Variants in KIAA2012 observed in about 807,000 individuals in gnomAD.
The protein encoded by KIAA2012 is uncharacterized protein KIAA2012.
In KIAA2012, 125 loss-of-function variants were observed where a neutral mutation model predicts 150.6. The observed-to-expected ratio is 0.83, with a 90% CI of 0.72 to 0.96. The LOEUF (loss-of-function observed/expected upper bound fraction) is 0.96. Ranked by LOEUF, KIAA2012 falls within the 40% of genes least tolerant of loss-of-function variation. The pLI is 0.00. For synonymous variants in KIAA2012, 462 were observed against 504.7 expected, an observed-to-expected ratio of 0.92 and a Z score of 1.13; for missense variants, 1,219 against 1,354.9, an observed-to-expected ratio of 0.90 and a Z score of 1.57.
intron 16 of KIAA2012, 66 bp from the exon 17 acceptor site, chr2:202,186,867 C>T (rs940228029): frequency 2.0e-6 from 3 of 1,504,112 alleles, no homozygotes; most frequent in East Asian, 2.5e-5. Flanking sequence ...TGTTGGCTCA[C>T]TTGCCCTCTT....
intron 12 of KIAA2012, among the ~76,000 whole-genome samples, chr2:202,135,462 A>G (rs891573489): frequency 4.6e-5 from 7 of 152,330 alleles, no homozygotes; most frequent in Admixed American, 1.3e-4. Flanking sequence ...TCGTTCTGAA[A>G]GGAGGTTTTA....
intron 15 of KIAA2012, among the ~76,000 whole-genome samples, chr2:202,181,147 T>C (rs1692110619): frequency 6.6e-6 from 1 of 152,100 alleles, no homozygotes; most frequent in African/African-American, 2.4e-5. Context: ...TTTTTCTATT[T>C]TTTGTAGAGA....
In KIAA2012 at chr2:202,196,818, A is replaced by G. The variant is rs1210927950; in HGVS notation, c.3206A>G (p.Gln1069Arg). 6.4e-7 allele frequency: 1 copy of G among 1,550,560 alleles called. No individual in the cohort carries two copies. The highest frequency in any genetic ancestry group is 2.4e-5 in the East Asian group (1 of 40,924). The change falls in exon 22 of 24, where the codon CAA (glutamine) becomes CGA (arginine). Residue 1069 changes from glutamine to arginine, a missense_variant. Physicochemically the swap from Gln to Arg is conservative, Grantham distance 43 (BLOSUM62 1). Coordinates refer to ENST00000498697, the MANE Select transcript of KIAA2012 (RefSeq NM_001277372.4). Reference sequence around the variant, plus strand: ...TCTGCAGAGGCAGAGAAGCAAAGGCAAGAGGAATTGGAAATGCAGTTAGAA... The same window carrying G: ...TCTGCAGAGGCAGAGAAGCAAAGGCGAGAGGAATTGGAAATGCAGTTAGAA... ...AERAEAEKQR[Q>R]EELEMQLEEE...
At chr2:202,105,987 C>A (rs1244071658) in intron 9 of KIAA2012, 77 bp downstream of exon 9, 9 of 1,549,612 alleles carry the variant, frequency 5.8e-6, no homozygotes, top group Non-Finnish European at 6.1e-6. Flanking sequence ...CAAGGGTCCA[C>A]AGCCAAGGAA....
At chr2:202,197,276 A>G (rs542704175) in intron 22 of KIAA2012, 1 of 545,990 alleles carries the variant, frequency 1.8e-6, no homozygotes, top group East Asian at 3.3e-5. Flanking sequence ...AGATGAAAAA[A>G]GCAAGTCCCA....
chr2:202,142,934 C>T (rs1691221305), intron 13 of KIAA2012, among the ~76,000 whole-genome samples: 1 of 150,874 alleles, frequency 6.6e-6, no homozygotes, highest in Non-Finnish European at 1.5e-5. Context: ...GGGAACTTTC[C>T]TGTTGATTGC....
At chr2:202,141,135 C>T (rs537048486) in intron 13 of KIAA2012, among the ~76,000 whole-genome samples, 2 of 152,238 alleles carry the variant, frequency 1.3e-5, no homozygotes, top group South Asian at 4.2e-4. Context: ...TCTGCAGAGG[C>T]CCTACCGCTG....
intron 13 of KIAA2012, among the ~76,000 whole-genome samples, chr2:202,150,509 C>T (rs1040405707): frequency 1.3e-5 from 2 of 151,552 alleles, no homozygotes; most frequent in Non-Finnish European, 2.9e-5. Flanking sequence ...AGTGCAGTGG[C>T]GCGATCTCCG....
intron 2 of KIAA2012, among the ~76,000 whole-genome samples, chr2:202,087,416 G>C (rs139963646): frequency 6.7e-6 from 1 of 150,108 alleles, no homozygotes; most frequent in African/African-American, 2.5e-5. Flanking sequence ...CGGAGGCTGA[G>C]GCAGGAGAAT....
chr2:202,162,822 T>C (rs1462587843), intron 14 of KIAA2012, among the ~76,000 whole-genome samples: 2 of 147,890 alleles, frequency 1.4e-5, no homozygotes, highest in South Asian at 2.1e-4. Flanking sequence ...CCCAGCTACT[T>C]GGGAGGCTGA....
At chr2:202,147,845 T>C (rs1691333094) in intron 13 of KIAA2012, among the ~76,000 whole-genome samples, 1 of 152,016 alleles carries the variant, frequency 6.6e-6, no homozygotes. Flanking sequence ...ATTTCCCACC[T>C]TTCACCCCTC....
rs575210496 is a variant in KIAA2012 at position 202,154,396 on chromosome 2, C to G, written c.1909-277C>G. Reference sequence around the variant, plus strand: ...GTCTGTATAATGGGAGTAACAGTACCTGCCTTACAGGGTTGTTGTGAGGGT... The same window carrying G: ...GTCTGTATAATGGGAGTAACAGTACGTGCCTTACAGGGTTGTTGTGAGGGT... On this transcript the variant is annotated intron_variant, in intron 13 of 23. Transcript: ENST00000498697. 2.6e-5 allele frequency among the ~76,000 whole-genome samples: 4 copies of G among 152,298 alleles called. No homozygotes were observed. In the East Asian group the frequency reaches 7.7e-4, roughly 29 times the overall value.
intron 10 of KIAA2012, among the ~76,000 whole-genome samples, chr2:202,111,885 G>A (rs66723039): frequency 0.32 from 49,212 of 151,976 alleles, 8,865 homozygotes; most frequent in African/African-American, 0.49. Flanking sequence ...GTGTGCATGT[G>A]TATGTGTGTA....
chr2:202,131,421 G>A (rs1184456422), intron 12 of KIAA2012, among the ~76,000 whole-genome samples: 1 of 152,198 alleles, frequency 6.6e-6, no homozygotes, highest in East Asian at 1.9e-4. Context: ...GATTACAGGC[G>A]TGAGCCACTG....
At position 202,184,765 on chromosome 2, in the gene KIAA2012, G is replaced by A. The variant is rs1692192299; in HGVS notation, c.2132G>A (p.Arg711Lys). 6.5e-7 allele frequency: 1 copy of A among 1,542,102 alleles called. No individual in the cohort carries two copies. Among genetic ancestry groups the A allele is most frequent in the Non-Finnish European group, 8.7e-7 (1 of 1,144,470 alleles). Residue 711 changes from arginine to lysine, a missense_variant, in exon 16 of 24, where the codon AGG becomes AAG. Physicochemically the swap from Arg to Lys is conservative, Grantham distance 26 (BLOSUM62 2). Transcript: ENST00000498697. ...THHNDQDPEP[R>K]SMTLDSPRAS... ...TCTGTTTTCACAGACCCAGAGCCAAGGAGTATGACCCTTGACTCTCCCAGG... is the reference window on the plus strand; with the variant it reads ...TCTGTTTTCACAGACCCAGAGCCAAAGAGTATGACCCTTGACTCTCCCAGG...
At chr2:202,079,565 G>A (rs1459144933) in intron 2 of KIAA2012, among the ~76,000 whole-genome samples, 3 of 152,138 alleles carry the variant, frequency 2.0e-5, no homozygotes, top group Non-Finnish European at 4.4e-5. Flanking sequence ...GTGGCAACCC[G>A]TCTGGAGTTT....
chr2:202,138,495 C>T lies in KIAA2012; in HGVS notation c.1895C>T (p.Thr632Ile), dbSNP rs1383722015. 9 of 1,549,870 alleles carry T rather than the reference C, an allele frequency of 5.8e-6. No individual in the cohort carries two copies. Among genetic ancestry groups the T allele is most frequent in the Admixed American group, 2.0e-5 (1 of 50,998 alleles). ...TATGAAACCTCACCGTTGACCCAAA[C>T]AACAGAGAAGCAGGTATAGTATTGA... ...NLYETSPLTQ[T>I]TEKQGAQQSL... is the part of the protein sequence containing the mutation. Residue 632 changes from threonine (T) to isoleucine (I), a missense_variant, in exon 13 of 24, where the codon ACA becomes ATA. Transcript: ENST00000498697.
At chr2:202,138,591 T>A in intron 13 of KIAA2012, 83 bp downstream of exon 13, 1 of 968,888 alleles carries the variant, frequency 1.0e-6, no homozygotes, top group Non-Finnish European at 1.6e-6. Flanking sequence ...TGCCCCTCAG[T>A]GAGACTCTTT....
intron 15 of KIAA2012, among the ~76,000 whole-genome samples, chr2:202,175,050 G>C (rs1691962713): frequency 6.6e-6 from 1 of 152,202 alleles, no homozygotes. Context: ...GTTTACAATT[G>C]GTTGATATGA....
Sources: gnomAD v4.1 joint callset for allele counts (sites outside exome capture counted in the v4.1 genomes callset) on GRCh38, gnomAD v4.1.1 for gene constraint, MANE v1.5 for transcripts, NCBI Gene and HGNC (gene_info 2026-07-23, HGNC 2026-07-21) for gene names.